MAP3K9: variants seen among roughly 807,000 people sequenced by gnomAD.
MAP3K9 encodes the protein mixed lineage kinase 1 (tyr and ser/thr specificity).
Under a neutral mutation model 95.8 loss-of-function variants are expected in MAP3K9, and 46 were observed. That is an observed-to-expected ratio of 0.48 (90% CI 0.38 to 0.61). The LOEUF (loss-of-function observed/expected upper bound fraction) is 0.61, where lower values mean the gene tolerates loss of function less well. Among genes scored for constraint, MAP3K9 ranks in the 20% least tolerant of loss-of-function variants. The probability of loss-of-function intolerance (pLI) is 0.00; values close to 1 mark genes in which losing one functional copy is unlikely to be tolerated. For missense variants in MAP3K9, 1,296 were observed against 1,474.3 expected (o/e 0.88, Z 1.98); for synonymous variants, 533 against 593.8 (o/e 0.90, Z 1.49).
intron 2 of MAP3K9, among the ~76,000 whole-genome samples, chr14:70,790,700 T>C (rs1486970725): frequency 6.6e-6 from 1 of 152,184 alleles, no homozygotes; most frequent in African/African-American, 2.4e-5. Flanking sequence ...TGTTAATCTT[T>C]ACATTATAAG....
chr14:70,778,909 T>C (rs1293392231), intron 2 of MAP3K9, among the ~76,000 whole-genome samples: 2 of 152,138 alleles, frequency 1.3e-5, no homozygotes, highest in Admixed American at 6.5e-5. Flanking sequence ...ACACCTAACA[T>C]GGAGGATGCC....
At chr14:70,742,993 T>C (rs2054097636) in intron 5 of MAP3K9, among the ~76,000 whole-genome samples, 1 of 151,400 alleles carries the variant, frequency 6.6e-6, no homozygotes, top group African/African-American at 2.4e-5. Context: ...TGTACTTTAC[T>C]TTCTATTTTT....
rs762099823 is a variant in MAP3K9 at position 70,801,061 on chromosome 14, C to T, written c.426G>A (p.Ala142=). ...CAATAATCTCTTCCAAGGTGAGCTC[C>T]GCAAAATCAATTTCTAACACTGAGA... is the stretch of plus-strand genomic sequence containing the variant. ...PPIQLLEIDF[A]ELTLEEIIGI... is the part of the protein sequence containing the mutation. The change falls in exon 2 of 12, where the codon GCG becomes GCA. Residue 142 remains alanine (A), a synonymous_variant. Transcript: ENST00000554752. 2.3e-5 allele frequency: 37 copies of T among 1,607,696 alleles called. No homozygotes were observed. The Admixed American group carries it at 3.5e-4, about 15-fold the overall frequency.
intron 3 of MAP3K9, among the ~76,000 whole-genome samples, chr14:70,751,611 T>G (rs534419946): frequency 1.4e-3 from 219 of 152,104 alleles, no homozygotes; most frequent in Non-Finnish European, 2.4e-3. Context: ...CCCAGCTACT[T>G]GGGAGGCTGA....
chr14:70,807,167 A>G (rs1185499060), intron 1 of MAP3K9, among the ~76,000 whole-genome samples: 1 of 152,246 alleles, frequency 6.6e-6, no homozygotes, highest in East Asian at 1.9e-4. Flanking sequence ...AGAGGCTATG[A>G]TTTTGATATT....
At position 70,727,170 on chromosome 14, in the gene MAP3K9, G is replaced by T. The variant is rs2053830616; in HGVS notation, c.*3210C>A. ...GGAAAAGTTAGCACTATTCTGAGTT[G>T]TCCAGATGTAAGATATCATTGTTGC... On this transcript the variant is annotated 3_prime_UTR_variant, in exon 12 of 12. Coordinates refer to ENST00000554752, the MANE Select transcript of MAP3K9 (RefSeq NM_001284230.2). The T allele has an allele frequency of 6.6e-6, 1 of 152,192 alleles. No individual in the cohort carries two copies. Among genetic ancestry groups the T allele is most frequent in the African/African-American group, 2.4e-5 (1 of 41,436 alleles). 9.4% of individuals were successfully genotyped at this position (152,192 alleles called of 1,614,324 possible).
intron 3 of MAP3K9, 58 bp from the exon 4 acceptor site, chr14:70,750,139 A>G (rs2054204666): frequency 7.2e-7 from 1 of 1,396,046 alleles, no homozygotes; most frequent in Admixed American, 2.2e-5. Context: ...ACTTCACTGC[A>G]ATAGCTCGAG....
At chr14:70,757,164 T>C (rs1364010510) in intron 3 of MAP3K9, among the ~76,000 whole-genome samples, 2 of 152,130 alleles carry the variant, frequency 1.3e-5, no homozygotes, top group African/African-American at 4.8e-5. Flanking sequence ...GATCATGAAT[T>C]GGAAGACTTA....
Position 70,727,737 on chromosome 14 carries a change from A to T in MAP3K9, c.*2643T>A, listed in dbSNP as rs1490096917. 1 of 152,186 alleles carries T rather than the reference A, an allele frequency of 6.6e-6. No homozygotes were observed. Among genetic ancestry groups the T allele is most frequent in the Non-Finnish European group, 1.5e-5 (1 of 68,062 alleles). The allele number at this position is 152,186 out of a possible 1,614,324, so 9.4% of individuals were successfully genotyped here. On this transcript the variant is annotated 3_prime_UTR_variant, in exon 12 of 12. Transcript: ENST00000554752. ...CTTCTTCATGGATGCTCACAGTAGCACCTTTGGATAGCCCTGCTTTTGCTT... is the reference window on the plus strand; with the variant it reads ...CTTCTTCATGGATGCTCACAGTAGCTCCTTTGGATAGCCCTGCTTTTGCTT...
At chr14:70,808,363 C>G (rs1264262208) in intron 1 of MAP3K9, among the ~76,000 whole-genome samples, 1 of 145,780 alleles carries the variant, frequency 6.9e-6, no homozygotes, top group African/African-American at 2.5e-5. Context: ...TGGCAAGGTC[C>G]CTGATTTGGG....
rs1423246430 is a variant in MAP3K9, at chr14:70,725,254, G to C, written c.*5126C>G. 1 of 152,204 alleles carries C rather than the reference G, an allele frequency of 6.6e-6. No homozygotes were observed. Among genetic ancestry groups the C allele is most frequent in the Non-Finnish European group, 1.5e-5 (1 of 68,070 alleles). The allele number at this position is 152,204 out of a possible 1,614,324, so 9.4% of individuals were successfully genotyped here. A position where few individuals can be genotyped will look rare whatever the true frequency, so the allele number is the denominator to read the frequency against. ...GAGTGAGCCCAACACGAAGAGCAAA[G>C]CCAGGGCTCCCTAGGCAGCCTACAG... On this transcript the variant is annotated 3_prime_UTR_variant, in exon 12 of 12. Transcript: ENST00000554752.
Position 70,809,418 on chromosome 14 carries a change from CG to C in MAP3K9, c.-248del, listed in dbSNP as rs1474132019. 2 of 362,952 alleles carry C rather than the reference CG, an allele frequency of 5.5e-6. No homozygotes were observed. Among genetic ancestry groups the C allele is most frequent in the Middle Eastern group, 7.6e-4 (1 of 1,310 alleles). The allele number at this position is 362,952 out of a possible 1,614,324, so 22.5% of individuals were successfully genotyped here. A position where few individuals can be genotyped will look rare whatever the true frequency, so the allele number is the denominator to read the frequency against. Reference sequence around the variant, plus strand: ...CGGGCCGAGTCCCCGCCTGCCCGCTCGCCCCCCCGGGGGCGGCCTCGTCACC... The same window carrying C: ...CGGGCCGAGTCCCCGCCTGCCCGCTCCCCCCCCGGGGGCGGCCTCGTCACC... On this transcript the variant is annotated 5_prime_UTR_variant, in exon 1 of 12. Coordinates refer to ENST00000554752, the MANE Select transcript of MAP3K9 (RefSeq NM_001284230.2).
intron 2 of MAP3K9, among the ~76,000 whole-genome samples, chr14:70,791,752 C>A (rs2054809736): frequency 6.6e-6 from 1 of 152,254 alleles, no homozygotes; most frequent in Non-Finnish European, 1.5e-5. Flanking sequence ...CAGCCATGCT[C>A]ATGGTACTCA....
intron 2 of MAP3K9, among the ~76,000 whole-genome samples, chr14:70,784,043 G>A (rs1036096146): frequency 6.6e-5 from 10 of 152,112 alleles, no homozygotes; most frequent in African/African-American, 2.2e-4. Context: ...CAGCACTTTG[G>A]GAGGCCGAGG....
rs369981891 is a variant in MAP3K9, at chr14:70,751,425, G to A, written c.1002-1344C>T. On this transcript the variant is annotated intron_variant, in intron 3 of 11. Transcript: ENST00000554752. ...CATATTAATTTAAAAAATAATAATA[G>A]GCCAGGCATGGTGGCTCACATCTGT... 2.7e-4 allele frequency among the ~76,000 whole-genome samples: 41 copies of A among 152,290 alleles called. No homozygotes were observed. In the East Asian group the frequency reaches 5.0e-3, roughly 19 times the overall value.
rs1487568780 is a variant in MAP3K9, at chr14:70,801,230, AG to A, written c.407-151del. The A allele has an allele frequency of 1.2e-4, 80 of 695,176 alleles. No individual in the cohort carries two copies. In the African/African-American group the frequency reaches 1.3e-3, roughly 11 times the overall value. 43.1% of individuals were successfully genotyped at this position (695,176 alleles called of 1,614,324 possible). ...ATTATAAAGCAAATTCCATAAGGGCAGGAACTGCAATCAACTTATTTTCCTT... is the reference window on the plus strand; with the variant it reads ...ATTATAAAGCAAATTCCATAAGGGCAGAACTGCAATCAACTTATTTTCCTT... On this transcript the variant is annotated intron_variant, in intron 1 of 11. Coordinates refer to ENST00000554752, the MANE Select transcript of MAP3K9 (RefSeq NM_001284230.2).
intron 2 of MAP3K9, among the ~76,000 whole-genome samples, chr14:70,790,084 G>C (rs2054790644): frequency 6.6e-6 from 1 of 152,186 alleles, no homozygotes; most frequent in Admixed American, 6.5e-5. Context: ...CTAGGAGGAA[G>C]GCTGTCCTTG....
chr14:70,776,833 CTTT>C (rs11361103), intron 2 of MAP3K9, among the ~76,000 whole-genome samples: 46 of 138,468 alleles, frequency 3.3e-4, no homozygotes, highest in Non-Finnish European at 3.6e-4. Flanking sequence ...AGATCTCTCA[CTTT>C]TTTTTTTTTT....
intron 2 of MAP3K9, among the ~76,000 whole-genome samples, chr14:70,794,814 A>T (rs2054844476): frequency 6.6e-6 from 1 of 151,386 alleles, no homozygotes; most frequent in Non-Finnish European, 1.5e-5. Context: ...AGTAGCTTGA[A>T]CTACAGGCAC....
Sources: allele counts gnomAD v4.1 joint callset (sites outside exome capture counted in the v4.1 genomes callset), GRCh38; gene constraint gnomAD v4.1.1; transcripts MANE v1.5; gene names NCBI Gene and HGNC (gene_info 2026-07-23, HGNC 2026-07-21).